Variants in STX1B observed in about 807,000 individuals in gnomAD.
STX1B encodes the protein syntaxin 1B.
In STX1B, 7 loss-of-function variants were observed where a neutral mutation model predicts 39.4. The ratio of observed to expected loss-of-function variants is 0.18; its 90% CI spans 0.10 to 0.33. STX1B has a LOEUF of 0.33. Among genes scored for constraint, STX1B ranks in the 10% least tolerant of loss-of-function variants. The probability of loss-of-function intolerance (pLI) is 1.00; values close to 1 mark genes in which losing one functional copy is unlikely to be tolerated. For missense variants in STX1B, 198 were observed against 383.2 expected (o/e 0.52, Z 4.04); for synonymous variants, 136 against 144.1 (o/e 0.94, Z 0.40).
intron 1 of STX1B, among the ~76,000 whole-genome samples, chr16:31,007,118 A>AT (rs1459923826): frequency 6.6e-6 from 1 of 152,060 alleles, no homozygotes; most frequent in Non-Finnish European, 1.5e-5. Flanking sequence ...CTCTAAAAAC[A>AT]TTTTTTTAAA....
chr16:30,996,259 C>G (rs2056591288), intron 7 of STX1B: 1 of 158,258 alleles, frequency 6.3e-6, no homozygotes, highest in East Asian at 1.8e-4. Flanking sequence ...GGTGAAACGA[C>G]TTGCTTCAGT....
chr16:31,010,190 C>A (rs1427386990), intron 1 of STX1B, among the ~76,000 whole-genome samples, 177 bp downstream of exon 1: 2 of 152,072 alleles, frequency 1.3e-5, no homozygotes, highest in Non-Finnish European at 2.9e-5. Flanking sequence ...AGGCACTGTC[C>A]CCAAAATGCA....
At chr16:31,007,003 C>T (rs1160839430) in intron 1 of STX1B, among the ~76,000 whole-genome samples, 3 of 152,196 alleles carry the variant, frequency 2.0e-5, no homozygotes, top group Admixed American at 6.5e-5. Context: ...CCCAGCTACT[C>T]GAGAGGCTGT....
intron 1 of STX1B, 62 bp downstream of exon 1, chr16:31,010,305 T>TCCCCCC: frequency 2.6e-6 from 1 of 386,242 alleles, no homozygotes; most frequent in East Asian, 5.2e-5. Flanking sequence ...CCCCACTCCA[T>TCCCCCC]CCCCACGCGC....
intron 1 of STX1B, among the ~76,000 whole-genome samples, chr16:31,003,816 C>T (rs1206918250): frequency 1.3e-5 from 2 of 152,206 alleles, no homozygotes; most frequent in African/African-American, 2.4e-5. Context: ...TTTACAAACA[C>T]TTTTACATCC....
At chr16:31,006,141 G>C (rs1001976163) in intron 1 of STX1B, among the ~76,000 whole-genome samples, 2 of 152,100 alleles carry the variant, frequency 1.3e-5, no homozygotes, top group Non-Finnish European at 2.9e-5. Context: ...AAACATATGC[G>C]TGCCCCAGCA....
rs1272112781 is a variant in STX1B at position 31,001,627 on chromosome 16, C to T, written c.31-24G>A. 3.1e-6 allele frequency: 5 copies of T among 1,602,998 alleles called. No individual in the cohort carries two copies. Among genetic ancestry groups the T allele is most frequent in the Non-Finnish European group, 4.3e-6 (5 of 1,172,834 alleles). ...GCCTGGGGACAAGGAAGGCTGAGTC[C>T]ATGAGCAGGCCCTACCTGGGTCCCC... On this transcript the variant is annotated intron_variant, in intron 1 of 9. Coordinates refer to ENST00000215095, the MANE Select transcript of STX1B (RefSeq NM_052874.5). The surrounding 1 kb of genome is among the most constrained non-coding windows in gnomAD (Gnocchi z 5.5).
intron 9 of STX1B, 95 bp downstream of exon 9, chr16:30,993,035 A>C: frequency 7.3e-7 from 1 of 1,377,246 alleles, no homozygotes; most frequent in Non-Finnish European, 1.0e-6. Context: ...GGTCAGAGCC[A>C]GAGATAAGGC....
chr16:30,997,411 G>T, intron 5 of STX1B, 91 bp downstream of exon 5: 1 of 455,828 alleles, frequency 2.2e-6, no homozygotes. Flanking sequence ...CCACGCCCCC[G>T]CCGGTGCTTG....
intron 4 of STX1B, among the ~76,000 whole-genome samples, chr16:31,000,380 T>C (rs1290138512): frequency 6.7e-6 from 1 of 150,328 alleles, no homozygotes; most frequent in Non-Finnish European, 1.5e-5. Context: ...TAACCCAGGC[T>C]GGAGTACAGC....
At chr16:31,006,402 T>C (rs2056655405) in intron 1 of STX1B, among the ~76,000 whole-genome samples, 1 of 152,300 alleles carries the variant, frequency 6.6e-6, no homozygotes, top group South Asian at 2.1e-4. Flanking sequence ...CATTCATTCA[T>C]CTAACGGATG....
Position 31,001,026 on chromosome 16 carries a change from G to A in STX1B, c.206-24C>T. On this transcript the variant is annotated intron_variant, in intron 3 of 9. Transcript: ENST00000215095. The surrounding 1 kb of genome is among the most constrained non-coding windows in gnomAD (Gnocchi z 5.5). ...CTCTGAGGGGAGGGCGAGGGCAAGT[G>A]AGATGTCTGGGTGGGAACCCCAGGC... 1 of 1,614,130 alleles carries A rather than the reference G, an allele frequency of 6.2e-7. No homozygotes were observed. The highest frequency in any genetic ancestry group is 8.5e-7 in the Non-Finnish European group (1 of 1,179,972).
chr16:31,010,372 G>T lies in STX1B; in HGVS notation c.25C>A (p.Arg9=). 1.8e-6 allele frequency: 2 copies of T among 1,109,816 alleles called. No individual in the cohort carries two copies. The highest frequency in any genetic ancestry group is 1.3e-6 in the Non-Finnish European group (1 of 779,678). 68.7% of individuals were successfully genotyped at this position (1,109,816 alleles called of 1,614,324 possible). MKDRTQEL[R]SAKDSDDEEE... ...CTCCCCACCCCCAAGCTCACACTCC[G>T]CAGCTCTTGAGTCCGATCCTTCATC... Residue 9 remains arginine (R), a synonymous_variant, in exon 1 of 10, where the codon CGG becomes AGG. Coordinates refer to ENST00000215095, the MANE Select transcript of STX1B (RefSeq NM_052874.5).
chr16:30,994,421 CAAAAAA>C (rs543652303), intron 7 of STX1B, among the ~76,000 whole-genome samples: 3 of 111,336 alleles, frequency 2.7e-5, no homozygotes, highest in Middle Eastern at 4.6e-3. Flanking sequence ...TTGTTTCTAT[CAAAAAA>C]AAAAAAAAAA....
At chr16:31,004,827 G>A (rs1261761800) in intron 1 of STX1B, among the ~76,000 whole-genome samples, 1 of 152,142 alleles carries the variant, frequency 6.6e-6, no homozygotes, top group African/African-American at 2.4e-5. Flanking sequence ...GCTCAGAGAG[G>A]TTGCCTGACC....
At position 31,001,229 on chromosome 16, in the gene STX1B, T is replaced by C; in HGVS notation, c.106-36A>G. ...AAATCGGCTATACCCAGCCAAGCTGTCAGGCCAAACAACGGGTTCCAGGGG... is the reference window on the plus strand; with the variant it reads ...AAATCGGCTATACCCAGCCAAGCTGCCAGGCCAAACAACGGGTTCCAGGGG... On this transcript the variant is annotated intron_variant, in intron 2 of 9. Transcript: ENST00000215095. The surrounding 1 kb of genome is among the most constrained non-coding windows in gnomAD (Gnocchi z 5.5). 6.2e-7 allele frequency: 1 copy of C among 1,602,766 alleles called. No individual in the cohort carries two copies. The highest frequency in any genetic ancestry group is 8.5e-7 in the Non-Finnish European group (1 of 1,173,078).
chr16:30,996,450 T>G, intron 7 of STX1B: 1 of 505,074 alleles, frequency 2.0e-6, no homozygotes, highest in Non-Finnish European at 3.5e-6. Context: ...TTAAATGAGT[T>G]GGTGGGTGAA....
At chr16:31,000,833 G>T (rs1189735077) in intron 4 of STX1B, 95 bp downstream of exon 4, 2 of 1,243,598 alleles carry the variant, frequency 1.6e-6, no homozygotes, top group African/African-American at 3.0e-5. Context: ...TCCTGGGATT[G>T]AGCAATTGGC....
chr16:30,994,291 C>CA (rs59732057), intron 7 of STX1B, among the ~76,000 whole-genome samples: 1 of 134,656 alleles, frequency 7.4e-6, no homozygotes. Context: ...GACTCCGTCT[C>CA]AAAAAAAAAA....
Sources: allele counts gnomAD v4.1 joint callset (sites outside exome capture counted in the v4.1 genomes callset), GRCh38; gene constraint gnomAD v4.1.1; non-coding constraint Gnocchi (gnomAD v3.1); transcripts MANE v1.5; gene names NCBI Gene and HGNC (gene_info 2026-07-23, HGNC 2026-07-21).